Variants in FSTL4 observed in about 807,000 individuals in gnomAD.
FSTL4 encodes the protein follistatin-related protein 4.
A neutral mutation model predicts 78.2 loss-of-function variants in FSTL4; 28 were observed. The observed-to-expected ratio is 0.36, with a 90% CI of 0.27 to 0.49. FSTL4 has a LOEUF of 0.49. Ranked by LOEUF, FSTL4 falls within the 20% of genes least tolerant of loss-of-function variation. The pLI is 0.98. For missense variants in FSTL4, 922 were observed against 1,084.9 expected (o/e 0.85, Z 2.11); for synonymous variants, 422 against 440.5 (o/e 0.96, Z 0.53).
chr5:133,541,761 C>G (rs1759477569), intron 3 of FSTL4, among the ~76,000 whole-genome samples: 1 of 152,068 alleles, frequency 6.6e-6, no homozygotes, highest in African/African-American at 2.4e-5. Flanking sequence ...TTTCTGACAC[C>G]AAATAACCTT....
the FSTL4 span, among the ~76,000 whole-genome samples, chr5:133,639,103 G>A: frequency 3.3e-5 from 5 of 152,120 alleles, no homozygotes; most frequent in African/African-American, 1.2e-4. Context: ...TATGCATTCG[G>A]TATTTGTAGT....
In FSTL4 at chr5:133,444,273, G is replaced by A. The variant is rs1003360138; in HGVS notation, c.161-43287C>T. On this transcript the variant is annotated intron_variant, in intron 3 of 15. Coordinates refer to ENST00000265342, the MANE Select transcript of FSTL4 (RefSeq NM_015082.2). ...CATGGGAGGATTCGCCCTCCAGACCGTTCATGATTTCATGATGGTTAGAAG... is the reference window on the plus strand; with the variant it reads ...CATGGGAGGATTCGCCCTCCAGACCATTCATGATTTCATGATGGTTAGAAG... Among the ~76,000 whole-genome samples the A allele has an allele frequency of 3.9e-5, 6 of 152,304 alleles. No individual in the cohort carries two copies. In the East Asian group the frequency reaches 7.7e-4, roughly 20 times the overall value.
At chr5:133,285,848 C>T (rs1389043780) in intron 6 of FSTL4, among the ~76,000 whole-genome samples, 1 of 152,246 alleles carries the variant, frequency 6.6e-6, no homozygotes, top group Non-Finnish European at 1.5e-5. Context: ...GCAGGCTAGG[C>T]CACGCCCAGG....
chr5:133,573,068 C>A (rs889757541), intron 2 of FSTL4, among the ~76,000 whole-genome samples: 4 of 151,946 alleles, frequency 2.6e-5, no homozygotes, highest in Non-Finnish European at 4.4e-5. Flanking sequence ...CACAGTGTAA[C>A]CCTATCTCTA....
At chr5:133,574,816 C>G (rs1379523710) in intron 2 of FSTL4, 1 of 152,140 alleles carries the variant, frequency 6.6e-6, no homozygotes. Context: ...GGAAAGAAAG[C>G]AGAAACAAAT....
the FSTL4 span, among the ~76,000 whole-genome samples, chr5:133,756,328 G>A: frequency 2.6e-5 from 4 of 151,870 alleles, no homozygotes; most frequent in Admixed American, 1.3e-4. Context: ...GGGGTCTGCA[G>A]GTCCAGTTCA....
At chr5:133,757,366 G>A in the FSTL4 span, among the ~76,000 whole-genome samples, 1 of 151,964 alleles carries the variant, frequency 6.6e-6, no homozygotes, top group Non-Finnish European at 1.5e-5. Flanking sequence ...TGTATTTTAT[G>A]CCTGCAGTGC....
intron 6 of FSTL4, among the ~76,000 whole-genome samples, chr5:133,308,503 T>A (rs1028795706): frequency 2.6e-5 from 4 of 152,180 alleles, no homozygotes; most frequent in Admixed American, 2.6e-4. Flanking sequence ...ATGCTTGCGG[T>A]TGCTTATTTT....
intron 6 of FSTL4, among the ~76,000 whole-genome samples, chr5:133,256,819 C>T (rs1305139879): frequency 2.0e-5 from 3 of 152,226 alleles, no homozygotes; most frequent in African/African-American, 7.2e-5. Context: ...ATCTTCCTGC[C>T]ATTGTCATTC....
intron 4 of FSTL4, among the ~76,000 whole-genome samples, chr5:133,355,462 C>T (rs1202454433): frequency 6.6e-6 from 1 of 152,140 alleles, no homozygotes; most frequent in Non-Finnish European, 1.5e-5. Context: ...CCGAGACCAT[C>T]CTGGCCAACA....
chr5:133,587,980 G>T (rs1580806601), intron 2 of FSTL4, among the ~76,000 whole-genome samples: 2 of 14,944 alleles, frequency 1.3e-4, no homozygotes, highest in African/African-American at 1.6e-4. Flanking sequence ...AAATAATGCC[G>T]CATATCTACA....
chr5:133,764,418 T>C, the FSTL4 span, among the ~76,000 whole-genome samples: 1,602 of 152,244 alleles, frequency 0.011, 36 homozygotes, highest in African/African-American at 0.037. Flanking sequence ...AGTGGGAACC[T>C]GGGGACCCAG....
At chr5:133,208,881 G>A (rs764900018) in intron 14 of FSTL4, among the ~76,000 whole-genome samples, 2 of 152,150 alleles carry the variant, frequency 1.3e-5, no homozygotes, top group Non-Finnish European at 2.9e-5. Flanking sequence ...ATGTTGGCCA[G>A]GCTGGTTTCA....
intron 3 of FSTL4, among the ~76,000 whole-genome samples, chr5:133,552,681 A>G (rs1348120508): frequency 1.3e-5 from 2 of 152,336 alleles, no homozygotes; most frequent in African/African-American, 4.8e-5. Context: ...GACCTGTCAT[A>G]TGAAACAAAT....
At chr5:133,318,664 G>A (rs1753968627) in intron 4 of FSTL4, among the ~76,000 whole-genome samples, 1 of 152,232 alleles carries the variant, frequency 6.6e-6, no homozygotes, top group South Asian at 2.1e-4. Flanking sequence ...GGTGGATATG[G>A]TGTCAGGAAG....
the FSTL4 span, among the ~76,000 whole-genome samples, chr5:133,793,173 A>C: frequency 2.0e-5 from 3 of 152,174 alleles, no homozygotes; most frequent in African/African-American, 7.2e-5. Context: ...AGACCTGGGG[A>C]GGGACCACCC....
chr5:133,227,205 G>A (rs1751360017), intron 8 of FSTL4, among the ~76,000 whole-genome samples: 1 of 152,200 alleles, frequency 6.6e-6, no homozygotes, highest in Non-Finnish European at 1.5e-5. Context: ...TAAAGTCAGA[G>A]TCCTTGCCTC....
At chr5:133,823,369 C>A in the FSTL4 span, among the ~76,000 whole-genome samples, 2,187 of 152,284 alleles carry the variant, frequency 0.014, 60 homozygotes, top group African/African-American at 0.051. Flanking sequence ...CCAAATCATG[C>A]CCCTGTACCC....
Position 133,603,900 on chromosome 5 carries a change from G to T in FSTL4, c.84C>A (p.Thr28=), listed in dbSNP as rs1760923062. The change falls in exon 2 of 16, where the codon ACC becomes ACA. Residue 28 remains threonine (T), a synonymous_variant. Coordinates refer to ENST00000265342, the MANE Select transcript of FSTL4 (RefSeq NM_015082.2). ...PAALGWMDPG[T]SRGPDVGVGE... ...CCACACCCACATCCGGGCCTCTGCT[G>T]GTTCCTGGGTCCATCCATCCCAGCG... is the stretch of plus-strand genomic sequence containing the variant. The T allele has an allele frequency of 1.2e-6, 2 of 1,613,964 alleles. No homozygotes were observed. The highest frequency in any genetic ancestry group is 2.7e-5 in the African/African-American group (2 of 74,932).
Sources: gnomAD v4.1 joint callset for allele counts (sites outside exome capture counted in the v4.1 genomes callset) on GRCh38, gnomAD v4.1.1 for gene constraint, MANE v1.5 for transcripts, NCBI Gene and HGNC (gene_info 2026-07-23, HGNC 2026-07-21) for gene names.